The following DGKB variants were observed in gnomAD, a reference collection of about 807,000 sequenced individuals.
The protein encoded by DGKB is diacylglycerol kinase beta, also known as 90 kDa diacylglycerol kinase.
A neutral mutation model predicts 114.3 loss-of-function variants in DGKB; 67 were observed. The ratio of observed to expected loss-of-function variants is 0.59; its 90% CI spans 0.48 to 0.72. The LOEUF is 0.72. DGKB is among the 30% of genes least tolerant of loss of function. The pLI is 0.00. For synonymous variants in DGKB, 398 were observed against 323.1 expected (o/e 1.23, Z -2.49); for missense variants, 907 against 975.2 (o/e 0.93, Z 0.93).
chr7:14,902,143 GT>G (rs1024056809), intron 1 of DGKB, among the ~76,000 whole-genome samples: 1 of 152,086 alleles, frequency 6.6e-6, no homozygotes, highest in Non-Finnish European at 1.5e-5. Context: ...GAAGACTTTT[GT>G]TTGCTTGCTT....
intron 20 of DGKB, among the ~76,000 whole-genome samples, chr7:14,520,849 T>A (rs1162612807): frequency 6.6e-6 from 1 of 152,100 alleles, no homozygotes; most frequent in Non-Finnish European, 1.5e-5. Flanking sequence ...AATGGAATAT[T>A]TGTCATTTTT....
At chr7:14,233,150 A>T (rs938249389) in intron 23 of DGKB, among the ~76,000 whole-genome samples, 9 of 152,054 alleles carry the variant, frequency 5.9e-5, no homozygotes, top group Admixed American at 1.3e-4. Context: ...CCCTCAAGAC[A>T]ATGCAAGCCT....
At chr7:14,290,358 T>A (rs7778711) in intron 23 of DGKB, among the ~76,000 whole-genome samples, 132,811 of 152,146 alleles carry the variant, frequency 0.87, 58,306 homozygotes, top group African/African-American at 0.97. Context: ...TAGACTTCAC[T>A]TATAGCCTGA....
chr7:14,932,904 T>C (rs145531694), intron 1 of DGKB, among the ~76,000 whole-genome samples: 244 of 152,254 alleles, frequency 1.6e-3, no homozygotes, highest in Middle Eastern at 3.4e-3. Flanking sequence ...ATGGTCTTCG[T>C]CCACCTTGGA....
intron 9 of DGKB, among the ~76,000 whole-genome samples, chr7:14,690,060 G>C (rs1028107397): frequency 3.9e-5 from 6 of 152,132 alleles, no homozygotes; most frequent in African/African-American, 1.4e-4. Flanking sequence ...ACAAGTTAAG[G>C]TATCGCTATT....
At chr7:14,340,399 A>C (rs1236839035) in intron 22 of DGKB, among the ~76,000 whole-genome samples, 1 of 151,694 alleles carries the variant, frequency 6.6e-6, no homozygotes, top group East Asian at 2.0e-4. Flanking sequence ...CTTCAAGTGG[A>C]ATGTACTGGC....
At chr7:14,309,035 G>A (rs1023139866) in intron 23 of DGKB, among the ~76,000 whole-genome samples, 2 of 152,038 alleles carry the variant, frequency 1.3e-5, no homozygotes, top group African/African-American at 4.8e-5. Context: ...CGGCAACATG[G>A]TAAGGCCTCA....
rs147864976 is a variant in DGKB, at chr7:14,827,899, T to C, written c.70+13295A>G. Among the ~76,000 whole-genome samples the C allele has an allele frequency of 5.6e-3, 781 of 140,502 alleles. 2 individuals carry two copies. The highest frequency in any genetic ancestry group is 7.2e-3 in the Non-Finnish European group (474 of 66,106). The allele number at this position is 140,502 out of a possible 152,430, so 92.2% of individuals were successfully genotyped here. On this transcript the variant is annotated intron_variant, in intron 2 of 25. Transcript: ENST00000402815. ...AAAGAAAATTTGAACAAGCAGTAGATAGACAACAGAAATATGAACTCCGAA... is the reference window on the plus strand; with the variant it reads ...AAAGAAAATTTGAACAAGCAGTAGACAGACAACAGAAATATGAACTCCGAA...
intron 20 of DGKB, among the ~76,000 whole-genome samples, chr7:14,490,701 T>G (rs1183506895): frequency 6.6e-6 from 1 of 152,214 alleles, no homozygotes; most frequent in Non-Finnish European, 1.5e-5. Context: ...CTTAGAACTT[T>G]GTTATTGTTC....
chr7:14,388,577 G>A lies in DGKB; in HGVS notation c.1836-43186C>T, dbSNP rs2128702041. Among the ~76,000 whole-genome samples the A allele has an allele frequency of 2.0e-5, 3 of 151,756 alleles. No individual in the cohort carries two copies. The East Asian group carries it at 5.8e-4, about 29-fold the overall frequency. ...TTATGTATTGTCGAAATTTTCTGCA[G>A]TAGGTAACTATACTTTTATTGGCAG... On this transcript the variant is annotated intron_variant, in intron 21 of 25. Coordinates refer to ENST00000402815, the MANE Select transcript of DGKB (RefSeq NM_001350709.2).
chr7:14,353,736 C>A (rs972530559), intron 21 of DGKB, among the ~76,000 whole-genome samples: 2 of 152,110 alleles, frequency 1.3e-5, no homozygotes, highest in Non-Finnish European at 2.9e-5. Context: ...GAATATTTTT[C>A]ATACAATACT....
chr7:14,620,628 T>G (rs2128813666), intron 15 of DGKB, among the ~76,000 whole-genome samples: 1 of 151,792 alleles, frequency 6.6e-6, no homozygotes, highest in East Asian at 1.9e-4. Context: ...TAGAAAAACA[T>G]ACTTAAATCC....
At chr7:14,669,543 C>A (rs1435977472) in intron 13 of DGKB, among the ~76,000 whole-genome samples, 1 of 152,174 alleles carries the variant, frequency 6.6e-6, no homozygotes, top group Non-Finnish European at 1.5e-5. Flanking sequence ...TTTATCACTG[C>A]AGCCCCAACA....
intron 2 of DGKB, among the ~76,000 whole-genome samples, chr7:14,809,697 T>C (rs907331156): frequency 2.0e-5 from 3 of 152,104 alleles, no homozygotes; most frequent in African/African-American, 2.4e-5. Flanking sequence ...AACATCTCAA[T>C]CAAATGTGTA....
At chr7:14,508,141 T>C (rs1390283329) in intron 20 of DGKB, among the ~76,000 whole-genome samples, 1 of 152,190 alleles carries the variant, frequency 6.6e-6, no homozygotes, top group Non-Finnish European at 1.5e-5. Context: ...ACGTGCATCT[T>C]GTCTTTATTT....
chr7:14,595,270 T>G (rs185911325), intron 17 of DGKB, among the ~76,000 whole-genome samples: 38 of 152,166 alleles, frequency 2.5e-4, no homozygotes, highest in African/African-American at 8.9e-4. Flanking sequence ...AGTGACATAC[T>G]GTCAGTGGGA....
Position 14,607,389 on chromosome 7 carries a change from T to G in DGKB, c.1433+45A>C, listed in dbSNP as rs147494477. 864 of 956,872 alleles carry G rather than the reference T, an allele frequency of 9.0e-4. 1 individual carries two copies. The African/African-American group carries it at 0.012, about 14-fold the overall frequency. 59.3% of individuals were successfully genotyped at this position (956,872 alleles called of 1,614,324 possible). On this transcript the variant is annotated intron_variant, in intron 17 of 25. Coordinates refer to ENST00000402815, the MANE Select transcript of DGKB (RefSeq NM_001350709.2). The stretch of plus-strand genomic sequence containing the variant: ...ATGTCAGGCAGCTTATTTAATTAAT[T>G]AACATTAACTGAGTTAATGGTAATA...
In DGKB at chr7:14,727,615, A is replaced by G. The variant is rs373502981; in HGVS notation, c.322+8426T>C. The stretch of plus-strand genomic sequence containing the variant: ...TACCTCAACAGTAATAAGTATATCG[A>G]CATTAAGAAATACACCAATATATTT... On this transcript the variant is annotated intron_variant, in intron 5 of 25. Transcript: ENST00000402815. 5.9e-5 allele frequency among the ~76,000 whole-genome samples: 9 copies of G among 152,148 alleles called. No individual in the cohort carries two copies. In the East Asian group the frequency reaches 1.2e-3, roughly 20 times the overall value.
intron 5 of DGKB, among the ~76,000 whole-genome samples, chr7:14,728,274 A>G (rs111343402): frequency 0.027 from 4,109 of 152,280 alleles, 92 homozygotes; most frequent in South Asian, 0.049. Flanking sequence ...ATTCTCCTTC[A>G]TGATAGCTGC....
Sources: gnomAD v4.1 joint callset for allele counts (sites outside exome capture counted in the v4.1 genomes callset) on GRCh38, gnomAD v4.1.1 for gene constraint, MANE v1.5 for transcripts, NCBI Gene and HGNC (gene_info 2026-07-23, HGNC 2026-07-21) for gene names.